Variants in UQCC4 observed in about 807,000 individuals in gnomAD.
UQCC4 encodes the protein cattle cerebrum and skeletal muscle-specific protein 1 family member.
chr16:1,420,673 G>T, the UQCC4 span: 2 of 1,548,744 alleles, frequency 1.3e-6, no homozygotes. Flanking sequence ...TCGGCCCTCC[G>T]AGACCTTGAG....
chr16:1,420,075 G>A, the UQCC4 span: 1 of 1,612,974 alleles, frequency 6.2e-7, no homozygotes, highest in Non-Finnish European at 8.5e-7. Context: ...CCGATCTGCT[G>A]AGATTCTGCT....
the UQCC4 span, chr16:1,420,512 C>G: frequency 6.2e-7 from 1 of 1,614,218 alleles, no homozygotes. Context: ...CGGTCAGGGT[C>G]GTCCTCTTCC....
At chr16:1,420,377 T>A in the UQCC4 span, 2,365 of 1,614,212 alleles carry the variant, frequency 1.5e-3, 35 homozygotes, top group African/African-American at 0.027. Flanking sequence ...CACCAGATGA[T>A]CAGCGCCACG....
chr16:1,420,356 C>T, the UQCC4 span: 3 of 1,614,242 alleles, frequency 1.9e-6, no homozygotes, highest in Non-Finnish European at 2.5e-6. Context: ...TCGCTCTCCT[C>T]CCTCAGGTAG....
chr16:1,420,694 G>C, the UQCC4 span: 6 of 1,544,870 alleles, frequency 3.9e-6, no homozygotes, highest in Non-Finnish European at 5.2e-6. Context: ...GAGCTCACCC[G>C]GCCGCCGGGG....
the UQCC4 span, chr16:1,420,526 G>A: frequency 6.2e-7 from 1 of 1,614,156 alleles, no homozygotes; most frequent in Admixed American, 1.7e-5. Context: ...CTCTTCCTCG[G>A]CGGCAGGGTG....
chr16:1,420,083 G>C, the UQCC4 span: 1 of 1,613,140 alleles, frequency 6.2e-7, no homozygotes, highest in Non-Finnish European at 8.5e-7. Context: ...CTGAGATTCT[G>C]CTCCGCCTTC....
At chr16:1,419,777 T>C in the UQCC4 span, 1 of 625,490 alleles carries the variant, frequency 1.6e-6, no homozygotes, top group Non-Finnish European at 2.3e-6. Context: ...TTAAAATTTA[T>C]TTTCATTTGT....
the UQCC4 span, chr16:1,420,256 G>T: frequency 6.2e-7 from 1 of 1,613,464 alleles, no homozygotes. Flanking sequence ...TCAAGTTCTC[G>T]CTCTGTAGGC....
At chr16:1,420,442 A>G in the UQCC4 span, 1 of 1,614,118 alleles carries the variant, frequency 6.2e-7, no homozygotes, top group Non-Finnish European at 8.5e-7. Flanking sequence ...TCCCTTTCCC[A>G]TGGTATGGCC....
chr16:1,420,619 GAGAGAGAGCAGTA>G, the UQCC4 span: 1 of 1,562,666 alleles, frequency 6.4e-7, no homozygotes, highest in Non-Finnish European at 8.7e-7. Context: ...GGCCCTGGAA[GAGAGAGAGCAGTA>G]AGCGCTCCGC....
chr16:1,420,404 G>C, the UQCC4 span: 7 of 1,614,246 alleles, frequency 4.3e-6, no homozygotes, highest in Non-Finnish European at 5.9e-6. Context: ...CAGCTGAGGG[G>C]CAGCACCTTC....
the UQCC4 span, chr16:1,419,952 A>G: frequency 1.3e-6 from 2 of 1,536,996 alleles, no homozygotes. Context: ...ATTATGTTAT[A>G]CAAAGACTTG....
At chr16:1,420,129 GCCAAGT>G in the UQCC4 span, 1 of 1,613,516 alleles carries the variant, frequency 6.2e-7, no homozygotes, top group Non-Finnish European at 8.5e-7. Flanking sequence ...CCATCCACCA[GCCAAGT>G]CCTTCAGTGC....
the UQCC4 span, chr16:1,419,793 T>A: frequency 1.4e-6 from 1 of 733,020 alleles, no homozygotes; most frequent in East Asian, 6.7e-5. Context: ...TTTGTTGTTG[T>A]GTAAAACTCA....
the UQCC4 span, chr16:1,420,464 G>T: frequency 6.2e-7 from 1 of 1,614,278 alleles, no homozygotes; most frequent in Non-Finnish European, 8.5e-7. Context: ...ACCGACCAGC[G>T]GTGAGGGTTG....
At chr16:1,420,582 C>G in the UQCC4 span, 7,799 of 1,604,756 alleles carry the variant, frequency 4.9e-3, 20 homozygotes, top group Admixed American at 6.6e-3. Context: ...TTCGGGAAGC[C>G]CAGCCTATGA....
the UQCC4 span, chr16:1,420,705 C>T: frequency 4.6e-5 from 71 of 1,542,736 alleles, no homozygotes; most frequent in African/African-American, 6.3e-4. Flanking sequence ...GCCGCCGGGG[C>T]ACACAAGACA....
At chr16:1,420,481 C>T in the UQCC4 span, 2 of 1,614,260 alleles carry the variant, frequency 1.2e-6, no homozygotes, top group South Asian at 2.2e-5. Context: ...GTTGGCTTTG[C>T]TGGAGGAAAA....
Sources: allele counts gnomAD v4.1 joint callset, GRCh38; gene constraint gnomAD v4.1.1; transcripts MANE v1.5; gene names NCBI Gene and HGNC (gene_info 2026-07-23, HGNC 2026-07-21).